ADCY1: variants seen among roughly 807,000 people sequenced by gnomAD.
The protein encoded by ADCY1 is adenylate cyclase 1.
A neutral mutation model predicts 105.4 loss-of-function variants in ADCY1; 28 were observed. The ratio of observed to expected loss-of-function variants is 0.27; its 90% CI spans 0.20 to 0.36. The LOEUF is 0.36. ADCY1 is among the 10% of genes least tolerant of loss of function. The pLI, the probability that ADCY1 is intolerant of heterozygous loss-of-function variation, is 1.00. For synonymous variants in ADCY1, 655 were observed against 623.8 expected, an observed-to-expected ratio of 1.05 and a Z score of -0.75; for missense variants, 977 against 1,434.2, an observed-to-expected ratio of 0.68 and a Z score of 5.15.
At position 45,718,435 on chromosome 7, in the gene ADCY1, C is replaced by A. The variant is rs1473811980; in HGVS notation, c.*4440C>A. On this transcript the variant is annotated 3_prime_UTR_variant, in exon 20 of 20. Transcript: ENST00000297323. Reference sequence around the variant, plus strand: ...CAGGACACCTGTTCAGGCCTGGGGGCCCCATGCTAGGCTTGCCTGGGTGTG... The same window carrying A: ...CAGGACACCTGTTCAGGCCTGGGGGACCCATGCTAGGCTTGCCTGGGTGTG... The A allele has an allele frequency of 6.6e-6, 1 of 152,016 alleles. No homozygotes were observed. Among genetic ancestry groups the A allele is most frequent in the Non-Finnish European group, 1.5e-5 (1 of 68,006 alleles). 9.4% of individuals were successfully genotyped at this position (152,016 alleles called of 1,614,324 possible).
At chr7:45,650,144 T>C (rs1220563572) in intron 5 of ADCY1, among the ~76,000 whole-genome samples, 1 of 152,182 alleles carries the variant, frequency 6.6e-6, no homozygotes, top group African/African-American at 2.4e-5. Context: ...TCACCTTACA[T>C]CATGTATCAC....
chr7:45,686,595 G>C lies in ADCY1; in HGVS notation c.2376G>C (p.Leu792=). 6.2e-7 allele frequency: 1 copy of C among 1,613,734 alleles called. No homozygotes were observed. The highest frequency in any genetic ancestry group is 8.5e-7 in the Non-Finnish European group (1 of 1,179,758). ...GCTACGAGCCGATTGTGGCCATCCT[G>C]CTCTTCTCCTGTGCGCTGGCCCTGC... ...GRSYEPIVAI[L]LFSCALALHA... Residue 792 remains leucine (L), a synonymous_variant, in exon 14 of 20, where the codon CTG becomes CTC. Coordinates refer to ENST00000297323, the MANE Select transcript of ADCY1 (RefSeq NM_021116.4). The surrounding 1 kb of genome is among the most constrained non-coding windows in gnomAD (Gnocchi z 4.3).
At chr7:45,664,339 G>GT (rs779530832) in intron 8 of ADCY1, 1 of 1,536,084 alleles carries the variant, frequency 6.5e-7, no homozygotes, top group South Asian at 1.2e-5. Flanking sequence ...TGGGGTTTTG[G>GT]TCTCCCACCC....
intron 2 of ADCY1, among the ~76,000 whole-genome samples, chr7:45,608,328 G>T (rs1793437345): frequency 6.6e-6 from 1 of 152,188 alleles, no homozygotes; most frequent in Admixed American, 6.5e-5. Context: ...TGTTTTTAAG[G>T]AACATTTCCA....
chr7:45,580,521 A>C (rs1477457779), intron 1 of ADCY1, among the ~76,000 whole-genome samples: 1 of 152,176 alleles, frequency 6.6e-6, no homozygotes, highest in Non-Finnish European at 1.5e-5. Context: ...TCTATTGGGG[A>C]GACCCTGGTC....
At position 45,574,515 on chromosome 7, in the gene ADCY1, C is replaced by G. The variant is rs1328819075; in HGVS notation, c.-29C>G. The stretch of plus-strand genomic sequence containing the variant: ...GCCCCGGGCCGGCGAGGGGCGCGCC[C>G]GCGGCCGCGGCCGCTGCATGGCGCT... On this transcript the variant is annotated 5_prime_UTR_variant, in exon 1 of 20. Transcript: ENST00000297323. This position sits in a 1 kb window ranked among gnomAD's most constrained non-coding sequence, Gnocchi z 7.0. The G allele has an allele frequency of 5.0e-5, 49 of 974,474 alleles. No homozygotes were observed. The highest frequency in any genetic ancestry group is 3.9e-5 in the Non-Finnish European group (32 of 824,598). The allele number at this position is 974,474 out of a possible 1,614,324, so 60.4% of individuals were successfully genotyped here.
At chr7:45,601,605 G>A (rs1271553051) in intron 2 of ADCY1, among the ~76,000 whole-genome samples, 2 of 152,128 alleles carry the variant, frequency 1.3e-5, no homozygotes, top group Non-Finnish European at 2.9e-5. Flanking sequence ...GCTGGTAGAG[G>A]TGCAGTCATG....
chr7:45,621,951 T>G (rs1420196019), intron 3 of ADCY1, among the ~76,000 whole-genome samples: 1 of 152,220 alleles, frequency 6.6e-6, no homozygotes, highest in African/African-American at 2.4e-5. Context: ...ATAGGAAACA[T>G]CTTTTTAAAG....
intron 2 of ADCY1, among the ~76,000 whole-genome samples, chr7:45,597,820 G>C (rs1391564666): frequency 6.6e-6 from 1 of 152,230 alleles, no homozygotes; most frequent in Non-Finnish European, 1.5e-5. Context: ...GGGGATGGGG[G>C]CTTGTCTGTT....
At chr7:45,604,509 A>G (rs1191233637) in intron 2 of ADCY1, among the ~76,000 whole-genome samples, 1 of 152,178 alleles carries the variant, frequency 6.6e-6, no homozygotes, top group African/African-American at 2.4e-5. Context: ...TGCATAAGGT[A>G]TGAGGTTTAG....
intron 14 of ADCY1, among the ~76,000 whole-genome samples, chr7:45,696,125 CTG>C (rs906488207): frequency 1.7e-4 from 26 of 152,204 alleles, no homozygotes; most frequent in African/African-American, 6.3e-4. Context: ...GCATTTTTTT[CTG>C]TGTGTGTGCA....
chr7:45,686,536 T>A lies in ADCY1; in HGVS notation c.2328-11T>A, dbSNP rs370201826. ...GCACTGACTTGGCTTTTCTTCCTCA[T>A]CTTCCCCCAGGGGTGGTGCCGTCTC... On this transcript the variant is annotated splice_polypyrimidine_tract_variant and intron_variant, in intron 13 of 19. Coordinates refer to ENST00000297323, the MANE Select transcript of ADCY1 (RefSeq NM_021116.4). This position sits in a 1 kb window ranked among gnomAD's most constrained non-coding sequence, Gnocchi z 4.3. The A allele has an allele frequency of 5.2e-5, 84 of 1,605,080 alleles. No homozygotes were observed. The highest frequency in any genetic ancestry group is 7.2e-5 in the Non-Finnish European group (84 of 1,174,508).
intron 14 of ADCY1, among the ~76,000 whole-genome samples, chr7:45,695,397 T>A (rs1784861536): frequency 6.6e-6 from 1 of 152,186 alleles, no homozygotes; most frequent in South Asian, 2.1e-4. Context: ...AGAACTGAAA[T>A]CTGCCAAACC....
chr7:45,592,845 G>A lies in ADCY1; in HGVS notation c.726G>A (p.Ala242=), dbSNP rs749118497. The A allele has an allele frequency of 1.1e-5, 17 of 1,614,106 alleles. No homozygotes were observed. Among genetic ancestry groups the A allele is most frequent in the Admixed American group, 1.7e-5 (1 of 60,010 alleles). Residue 242 remains alanine (A), a synonymous_variant, in exon 2 of 20, where the codon GCG becomes GCA. Coordinates refer to ENST00000297323, the MANE Select transcript of ADCY1 (RefSeq NM_021116.4). ...RILTERSQRK[A]FLQARSCIED... ...TGACTGAGCGTTCACAGAGGAAGGCGTTCCTGCAGGCCCGGAGCTGCATTG... is the reference window on the plus strand; with the variant it reads ...TGACTGAGCGTTCACAGAGGAAGGCATTCCTGCAGGCCCGGAGCTGCATTG...
intron 4 of ADCY1, among the ~76,000 whole-genome samples, chr7:45,642,380 A>AGGGGATGGACT (rs2116032215): frequency 6.6e-6 from 1 of 152,292 alleles, no homozygotes; most frequent in African/African-American, 2.4e-5. Context: ...AAGGGTGGTC[A>AGGGGATGGACT]GGGGATGGAC....
chr7:45,607,906 A>G (rs1793425579), intron 2 of ADCY1, among the ~76,000 whole-genome samples: 1 of 152,194 alleles, frequency 6.6e-6, no homozygotes, highest in South Asian at 2.1e-4. Flanking sequence ...GTACATACAC[A>G]TGTATGTGTC....
At chr7:45,700,616 T>C (rs1784979560) in intron 14 of ADCY1, among the ~76,000 whole-genome samples, 1 of 152,210 alleles carries the variant, frequency 6.6e-6, no homozygotes, top group Non-Finnish European at 1.5e-5. Context: ...ATAGTGATTG[T>C]ATCTGAGAAT....
At chr7:45,673,118 C>A (rs1186681761) in intron 8 of ADCY1, among the ~76,000 whole-genome samples, 1 of 152,026 alleles carries the variant, frequency 6.6e-6, no homozygotes, top group Non-Finnish European at 1.5e-5. Flanking sequence ...ATTTGACCAG[C>A]CTTTCATCCC....
chr7:45,622,026 G>GC (rs1793905286), intron 3 of ADCY1, among the ~76,000 whole-genome samples: 1 of 152,198 alleles, frequency 6.6e-6, no homozygotes, highest in East Asian at 1.9e-4. Context: ...GTTTAGGGCT[G>GC]CCCCCAGTGC....
Sources: allele counts gnomAD v4.1 joint callset (sites outside exome capture counted in the v4.1 genomes callset), GRCh38; gene constraint gnomAD v4.1.1; non-coding constraint Gnocchi (gnomAD v3.1); transcripts MANE v1.5; gene names NCBI Gene and HGNC (gene_info 2026-07-23, HGNC 2026-07-21).